Variants in VCAM1 observed in about 807,000 individuals in gnomAD.
The protein encoded by VCAM1 is vascular cell adhesion molecule 1, also known as vascular cell adhesion protein 1.
Under a neutral mutation model 63.8 loss-of-function variants are expected in VCAM1, and 41 were observed. The observed-to-expected ratio is 0.64, with a 90% CI of 0.50 to 0.83. The LOEUF (loss-of-function observed/expected upper bound fraction) is 0.83. Among genes scored for constraint, VCAM1 ranks in the 40% least tolerant of loss-of-function variants. VCAM1 has a pLI of 0.00. For synonymous variants in VCAM1, 338 were observed against 320.7 expected (o/e 1.05, Z -0.58); for missense variants, 798 against 875.5 (o/e 0.91, Z 1.12).
rs2100821702 is a variant in VCAM1 at position 100,720,500 on chromosome 1, C to A, written c.89C>A (p.Thr30Asn). ...GCTCAAGCTTTTAAAATCGAGACCA[C>A]CCCAGAATCTAGATATCTTGCTCAG... The part of the protein sequence containing the change: ...AASQAFKIET[T>N]PESRYLAQIG... Residue 30 changes from threonine (T) to asparagine (N), a missense_variant, in exon 2 of 9, where the codon ACC becomes AAC. Transcript: ENST00000294728. The A allele has an allele frequency of 6.2e-7, 1 of 1,610,110 alleles. No homozygotes were observed.
At chr1:100,735,072 TAAGGAAAC>T in intron 8 of VCAM1, 1 of 283,760 alleles carries the variant, frequency 3.5e-6, no homozygotes, top group Non-Finnish European at 6.6e-6. Flanking sequence ...CGGGAGGTTA[TAAGGAAAC>T]TAAAGAAGTA....
intron 2 of VCAM1, among the ~76,000 whole-genome samples, chr1:100,722,094 A>C (rs1571453351): frequency 6.6e-6 from 1 of 152,074 alleles, no homozygotes; most frequent in Non-Finnish European, 1.5e-5. Context: ...ATTTGATTGT[A>C]ATAGTGGTTA....
intron 7 of VCAM1, among the ~76,000 whole-genome samples, chr1:100,733,969 C>A (rs543584601): frequency 6.6e-6 from 1 of 152,306 alleles, no homozygotes; most frequent in South Asian, 2.1e-4. Flanking sequence ...TACAGTTCCA[C>A]ATGGCTGGGA....
intron 4 of VCAM1, 54 bp from the exon 5 acceptor site, chr1:100,729,053 A>G (rs1421992493): frequency 6.8e-7 from 1 of 1,472,772 alleles, no homozygotes. Context: ...GAATGTGATG[A>G]AAAAAGAAAA....
At chr1:100,738,014 C>G in intron 8 of VCAM1, 109 bp from the exon 9 acceptor site, 1 of 1,245,796 alleles carries the variant, frequency 8.0e-7, no homozygotes, top group Non-Finnish European at 1.1e-6. Context: ...CTTTGATTCC[C>G]TTCTCTTTGG....
Position 100,731,267 on chromosome 1 carries a change from G to A in VCAM1, c.1274G>A (p.Cys425Tyr). Reference protein sequence around the residue: ...LVNGSSVTVSCKVPSVYPLDR... With the variant: ...LVNGSSVTVSYKVPSVYPLDR... ...AATGGGAGCTCTGTCACTGTAAGCT[G>A]CAAGGTTCCTAGCGTGTACCCCCTT... Residue 425 changes from cysteine (C) to tyrosine (Y), a missense_variant, in exon 6 of 9, where the codon TGC (cysteine) becomes TAC (tyrosine). Coordinates refer to ENST00000294728, the MANE Select transcript of VCAM1 (RefSeq NM_001078.4). This position sits in a 1 kb window ranked among gnomAD's most constrained non-coding sequence, Gnocchi z 4.2. The A allele has an allele frequency of 2.5e-6, 4 of 1,613,718 alleles. No individual in the cohort carries two copies. The highest frequency in any genetic ancestry group is 3.4e-6 in the Non-Finnish European group (4 of 1,179,786).
At chr1:100,737,654 C>T (rs1660703388) in intron 8 of VCAM1, 1 of 151,892 alleles carries the variant, frequency 6.6e-6, no homozygotes, top group African/African-American at 2.4e-5. Context: ...TTATTTGTGG[C>T]ATTTAGCTAT....
rs1250939545 is a variant in VCAM1 at position 100,719,811 on chromosome 1, C to A, written c.-50C>A. The A allele has an allele frequency of 6.3e-7, 1 of 1,595,482 alleles. No individual in the cohort carries two copies. Among genetic ancestry groups the A allele is most frequent in the Non-Finnish European group, 8.6e-7 (1 of 1,166,554 alleles). On this transcript the variant is annotated 5_prime_UTR_variant, in exon 1 of 9. Coordinates refer to ENST00000294728, the MANE Select transcript of VCAM1 (RefSeq NM_001078.4). ...CTCCCAGGCACACACAGGTGGGACACAAATAAGGGTTTTGGAACCACTATT... is the reference window on the plus strand; with the variant it reads ...CTCCCAGGCACACACAGGTGGGACAAAAATAAGGGTTTTGGAACCACTATT...
intron 4 of VCAM1, among the ~76,000 whole-genome samples, chr1:100,725,996 C>A (rs1030200889): frequency 3.9e-5 from 6 of 151,908 alleles, no homozygotes; most frequent in Non-Finnish European, 8.8e-5. Context: ...TAGATCTAAA[C>A]AACTTACTCT....
At chr1:100,726,012 C>T (rs1660147452) in intron 4 of VCAM1, among the ~76,000 whole-genome samples, 2 of 151,998 alleles carry the variant, frequency 1.3e-5, no homozygotes, top group African/African-American at 2.4e-5. Context: ...ACTCTCCTGT[C>T]TAACTGAACC....
intron 4 of VCAM1, among the ~76,000 whole-genome samples, chr1:100,727,892 G>GA (rs1660232070): frequency 6.6e-6 from 1 of 152,024 alleles, no homozygotes; most frequent in Non-Finnish European, 1.5e-5. Context: ...AACCTATTGA[G>GA]AAAAATAACT....
chr1:100,719,795 A>G lies in VCAM1; in HGVS notation c.-66A>G. The G allele has an allele frequency of 1.3e-6, 2 of 1,553,888 alleles. No individual in the cohort carries two copies. The highest frequency in any genetic ancestry group is 1.2e-5 in the South Asian group (1 of 86,792). On this transcript the variant is annotated 5_prime_UTR_variant, in exon 1 of 9. Transcript: ENST00000294728. The stretch of plus-strand genomic sequence containing the variant: ...TCAGGAGCTGAATACCCTCCCAGGC[A>G]CACACAGGTGGGACACAAATAAGGG...
intron 5 of VCAM1, among the ~76,000 whole-genome samples, chr1:100,730,400 G>A (rs555921300): frequency 2.0e-5 from 3 of 152,168 alleles, no homozygotes; most frequent in African/African-American, 7.2e-5. Flanking sequence ...CAACATTTTG[G>A]TTAAGGAAAA....
At position 100,729,204 on chromosome 1, in the gene VCAM1, C is replaced by A; in HGVS notation, c.1026C>A (p.Ser342=). 1.2e-6 allele frequency: 2 copies of A among 1,613,510 alleles called. No homozygotes were observed. Among genetic ancestry groups the A allele is most frequent in the South Asian group, 1.1e-5 (1 of 91,046 alleles). The part of the protein sequence containing the change: ...MLTCSVMGCE[S]PSFSWRTQID... ...CATGTAGTGTCATGGGCTGTGAATC[C>A]CCATCTTTCTCCTGGAGAACCCAGA... The change falls in exon 5 of 9, where the codon TCC becomes TCA. Residue 342 remains serine, a synonymous_variant. Transcript: ENST00000294728.
intron 4 of VCAM1, among the ~76,000 whole-genome samples, chr1:100,728,088 A>T (rs539162717): frequency 1.3e-5 from 2 of 151,588 alleles, no homozygotes; most frequent in Non-Finnish European, 2.9e-5. Flanking sequence ...CAGAGCCAAG[A>T]TGTGGTGTTC....
At position 100,729,143 on chromosome 1, in the gene VCAM1, G is replaced by A. The variant is rs372282003; in HGVS notation, c.965G>A (p.Arg322Gln). The change falls in exon 5 of 9, where the codon CGG becomes CAG. Residue 322 changes from arginine to glutamine, a missense_variant. Physicochemically the swap from Arg to Gln is conservative, Grantham distance 43. Transcript: ENST00000294728. ...PFTVEISPGPRIAAQIGDSVM... is the reference protein window; with the variant it reads ...PFTVEISPGPQIAAQIGDSVM... ...ACTGTTGAGATCTCCCCTGGACCCC[G>A]GATTGCTGCTCAGATTGGAGACTCA... The A allele has an allele frequency of 2.4e-5, 39 of 1,607,346 alleles. No homozygotes were observed. Among genetic ancestry groups the A allele is most frequent in the East Asian group, 4.5e-5 (2 of 44,762 alleles).
chr1:100,725,854 G>C (rs949686265), intron 4 of VCAM1, among the ~76,000 whole-genome samples: 1 of 152,064 alleles, frequency 6.6e-6, no homozygotes, highest in African/African-American at 2.4e-5. Context: ...ATACAATGTA[G>C]AATGATTAAG....
intron 1 of VCAM1, 31 bp from the exon 2 acceptor site, chr1:100,720,445 A>C (rs1659919120): frequency 6.3e-7 from 1 of 1,594,138 alleles, no homozygotes; most frequent in African/African-American, 1.3e-5. Flanking sequence ...ACTAGTGGTA[A>C]ATTTGCTTCT....
intron 3 of VCAM1, 100 bp downstream of exon 3, chr1:100,723,440 A>G (rs1660041970): frequency 8.9e-6 from 11 of 1,232,448 alleles, no homozygotes; most frequent in Non-Finnish European, 1.2e-5. Context: ...AAAAACTTGT[A>G]TATAGTTTGT....
Sources: allele counts gnomAD v4.1 joint callset (sites outside exome capture counted in the v4.1 genomes callset), GRCh38; gene constraint gnomAD v4.1.1; non-coding constraint Gnocchi (gnomAD v3.1); transcripts MANE v1.5; gene names NCBI Gene and HGNC (gene_info 2026-07-23, HGNC 2026-07-21).